GRIN2A: variants seen among roughly 807,000 people sequenced by gnomAD.
GRIN2A encodes glutamate receptor ionotropic, NMDA 2A.
In GRIN2A, 22 loss-of-function variants were observed where a neutral mutation model predicts 113.4. The observed-to-expected ratio is 0.19, with a 90% CI of 0.14 to 0.28. The LOEUF is 0.28. Ranked by LOEUF, GRIN2A falls within the 10% of genes least tolerant of loss-of-function variation. The pLI, the probability that GRIN2A is intolerant of heterozygous loss-of-function variation, is 1.00. For missense variants in GRIN2A, 1,502 were observed against 1,887.0 expected, an observed-to-expected ratio of 0.80 and a Z score of 3.78; for synonymous variants, 827 against 738.4, an observed-to-expected ratio of 1.12 and a Z score of -1.94.
At chr16:9,836,742 A>G (rs1458161980) in intron 7 of GRIN2A, among the ~76,000 whole-genome samples, 2 of 152,250 alleles carry the variant, frequency 1.3e-5, no homozygotes, top group African/African-American at 2.4e-5. Context: ...ACAAAGAAAC[A>G]TCGTTAAAGC....
chr16:9,816,986 T>C (rs1213367699), intron 10 of GRIN2A, among the ~76,000 whole-genome samples: 1 of 152,238 alleles, frequency 6.6e-6, no homozygotes, highest in Non-Finnish European at 1.5e-5. Context: ...ATCCCATCTC[T>C]GTTGATGTTT....
intron 2 of GRIN2A, among the ~76,000 whole-genome samples, chr16:10,140,782 A>G (rs2049311932): frequency 6.6e-6 from 1 of 152,216 alleles, no homozygotes; most frequent in South Asian, 2.1e-4. Flanking sequence ...GCGACCAGGA[A>G]GTGGACTCTG....
chr16:10,145,436 A>T (rs961249795), intron 2 of GRIN2A, among the ~76,000 whole-genome samples: 2 of 152,202 alleles, frequency 1.3e-5, no homozygotes, highest in Non-Finnish European at 2.9e-5. Context: ...GCACATGCAT[A>T]CATCCAAACT....
chr16:10,148,243 G>A (rs981898996), intron 2 of GRIN2A, among the ~76,000 whole-genome samples: 4 of 152,118 alleles, frequency 2.6e-5, no homozygotes, highest in Admixed American at 1.3e-4. Flanking sequence ...ATTATCTAGA[G>A]CTCCTTTTGT....
intron 2 of GRIN2A, among the ~76,000 whole-genome samples, chr16:10,086,476 C>A (rs2048086879): frequency 6.6e-6 from 1 of 152,070 alleles, no homozygotes; most frequent in African/African-American, 2.4e-5. Flanking sequence ...GTGGCAACAA[C>A]TAACAGCTGT....
At chr16:9,772,656 G>T (rs971638097) in intron 11 of GRIN2A, among the ~76,000 whole-genome samples, 1 of 152,058 alleles carries the variant, frequency 6.6e-6, no homozygotes, top group East Asian at 1.9e-4. Flanking sequence ...GATTACAGGC[G>T]TGAGCCACCG....
intron 2 of GRIN2A, among the ~76,000 whole-genome samples, chr16:9,944,644 G>A (rs961588931): frequency 3.3e-5 from 5 of 152,140 alleles, no homozygotes; most frequent in Non-Finnish European, 2.9e-5. Context: ...TGTGAATCTT[G>A]CATGTCCTTC....
intron 2 of GRIN2A, among the ~76,000 whole-genome samples, chr16:10,096,673 A>T (rs1399848389): frequency 6.6e-6 from 1 of 151,900 alleles, no homozygotes; most frequent in East Asian, 1.9e-4. Context: ...GAAAGTGTGG[A>T]TTTTACTCCA....
intron 2 of GRIN2A, among the ~76,000 whole-genome samples, chr16:10,160,055 C>G (rs2037895539): frequency 1.3e-5 from 2 of 152,194 alleles, no homozygotes; most frequent in Admixed American, 1.3e-4. Flanking sequence ...CATTTTGGTG[C>G]AGGGAACCTG....
At chr16:10,133,941 G>T (rs1363803826) in intron 2 of GRIN2A, among the ~76,000 whole-genome samples, 2 of 152,114 alleles carry the variant, frequency 1.3e-5, no homozygotes, top group Admixed American at 1.3e-4. Flanking sequence ...CTAACACTAT[G>T]GGAGGCCAAG....
intron 2 of GRIN2A, among the ~76,000 whole-genome samples, chr16:10,108,190 G>C (rs1436481332): frequency 6.6e-6 from 1 of 152,212 alleles, no homozygotes; most frequent in Admixed American, 6.5e-5. Flanking sequence ...TGGCTGGGAA[G>C]GCCTCACAAT....
At chr16:9,840,622 A>C in intron 7 of GRIN2A, 25 bp downstream of exon 7, 1 of 1,605,496 alleles carries the variant, frequency 6.2e-7, no homozygotes, top group Non-Finnish European at 8.5e-7. Context: ...ATAGGAAAGC[A>C]ATAGTCACTA....
chr16:9,779,249 T>C (rs1004207459), intron 11 of GRIN2A, among the ~76,000 whole-genome samples: 2 of 152,232 alleles, frequency 1.3e-5, no homozygotes, highest in Non-Finnish European at 2.9e-5. Context: ...GTGTGATGCT[T>C]CTCTTGTAAC....
At chr16:10,135,229 T>A (rs990951425) in intron 2 of GRIN2A, among the ~76,000 whole-genome samples, 18 of 152,212 alleles carry the variant, frequency 1.2e-4, no homozygotes, top group African/African-American at 4.1e-4. Flanking sequence ...TGCCACTATA[T>A]AACAAGGATG....
At chr16:10,151,596 G>C (rs1362187481) in intron 2 of GRIN2A, among the ~76,000 whole-genome samples, 1 of 152,166 alleles carries the variant, frequency 6.6e-6, no homozygotes, top group Non-Finnish European at 1.5e-5. Flanking sequence ...ATCAATGCTT[G>C]ACCAACATCA....
At chr16:9,782,211 G>A (rs774223241) in intron 11 of GRIN2A, among the ~76,000 whole-genome samples, 5 of 151,810 alleles carry the variant, frequency 3.3e-5, no homozygotes, top group African/African-American at 7.3e-5. Flanking sequence ...TTTTTTTCTT[G>A]TCATTGTTTC....
At chr16:10,123,742 C>T (rs2048875690) in intron 2 of GRIN2A, among the ~76,000 whole-genome samples, 1 of 152,138 alleles carries the variant, frequency 6.6e-6, no homozygotes, top group South Asian at 2.1e-4. Flanking sequence ...ATCTGTTTAG[C>T]TGGTTGGTAG....
chr16:10,138,956 C>T (rs1427000332), intron 2 of GRIN2A, among the ~76,000 whole-genome samples: 1 of 152,120 alleles, frequency 6.6e-6, no homozygotes, highest in Non-Finnish European at 1.5e-5. Flanking sequence ...TTTCAGAATT[C>T]TTGGTATGGG....
intron 2 of GRIN2A, among the ~76,000 whole-genome samples, chr16:10,151,695 A>G (rs1444927881): frequency 6.6e-6 from 1 of 152,086 alleles, no homozygotes; most frequent in East Asian, 1.9e-4. Context: ...AACAACCACT[A>G]CCATCTTGTG....
Sources: allele counts gnomAD v4.1 joint callset (sites outside exome capture counted in the v4.1 genomes callset), GRCh38; gene constraint gnomAD v4.1.1; transcripts MANE v1.5; gene names NCBI Gene and HGNC (gene_info 2026-07-23, HGNC 2026-07-21).